PTER: variants seen among roughly 807,000 people sequenced by gnomAD.
PTER encodes the protein N-acetyltaurine hydrolase.
PTER carries 38 observed loss-of-function variants against 29.6 expected under a neutral mutation model. The observed-to-expected ratio is 1.28, with a 90% CI of 0.99 to 1.68. The LOEUF (loss-of-function observed/expected upper bound fraction) is 1.68, where lower values mean the gene tolerates loss of function less well. Among genes scored for constraint, PTER ranks in the 40% most tolerant of loss-of-function variants. The pLI is 0.00. For missense variants in PTER, 482 were observed against 427.8 expected, an observed-to-expected ratio of 1.13 and a Z score of -1.12; for synonymous variants, 172 against 154.5, an observed-to-expected ratio of 1.11 and a Z score of -0.84.
At chr10:16,490,900 T>C (rs1446903611) in intron 3 of PTER, among the ~76,000 whole-genome samples, 1 of 151,840 alleles carries the variant, frequency 6.6e-6, no homozygotes, top group African/African-American at 2.4e-5. Context: ...AATCAAACAA[T>C]ATATAAATTG....
At chr10:16,438,480 TGTA>T (rs1833734734) in intron 1 of PTER, among the ~76,000 whole-genome samples, 3 of 151,132 alleles carry the variant, frequency 2.0e-5, no homozygotes, top group African/African-American at 2.4e-5. Flanking sequence ...TTTTTTTTTT[TGTA>T]TTTTTGGTAG....
intron 1 of PTER, among the ~76,000 whole-genome samples, chr10:16,476,413 A>G (rs1252523485): frequency 6.6e-6 from 1 of 152,074 alleles, no homozygotes; most frequent in Non-Finnish European, 1.5e-5. Context: ...GCTTTTAGGT[A>G]TCGTTTTACT....
chr10:16,481,324 C>T lies in PTER; in HGVS notation c.-48-3013C>T, dbSNP rs573312329. Among the ~76,000 whole-genome samples the T allele has an allele frequency of 5.9e-5, 9 of 152,316 alleles. No individual in the cohort carries two copies. In the South Asian group the frequency reaches 1.5e-3, roughly 25 times the overall value. Reference sequence around the variant, plus strand: ...GTATAGCTGCTCTCATCGTTCCTTACCTTCTTCCTTGTTCTGTGAACTCTC... The same window carrying T: ...GTATAGCTGCTCTCATCGTTCCTTATCTTCTTCCTTGTTCTGTGAACTCTC... On this transcript the variant is annotated intron_variant, in intron 1 of 4. Transcript: ENST00000535784.
intron 1 of PTER, among the ~76,000 whole-genome samples, chr10:16,448,951 C>G (rs1314986908): frequency 6.6e-6 from 1 of 152,178 alleles, no homozygotes; most frequent in African/African-American, 2.4e-5. Flanking sequence ...GAAACCACAT[C>G]TGGTACAGCA....
At chr10:16,518,976 T>A in the PTER span, among the ~76,000 whole-genome samples, 1 of 151,994 alleles carries the variant, frequency 6.6e-6, no homozygotes, top group South Asian at 2.1e-4. Context: ...TATCTTAATA[T>A]TATTTTCATG....
chr10:16,471,448 A>G (rs538178835), intron 1 of PTER, among the ~76,000 whole-genome samples: 1 of 151,770 alleles, frequency 6.6e-6, no homozygotes, highest in Non-Finnish European at 1.5e-5. Context: ...TGGAAAATAC[A>G]TTAAATTGTA....
chr10:16,509,623 TG>T (rs570827685), intron 4 of PTER, among the ~76,000 whole-genome samples: 112 of 152,322 alleles, frequency 7.4e-4, no homozygotes, highest in African/African-American at 2.7e-3. Flanking sequence ...GCTTCAGTAT[TG>T]TGTGTGCATT....
At chr10:16,472,252 ATTATT>A (rs1554789367) in intron 1 of PTER, among the ~76,000 whole-genome samples, 1 of 152,220 alleles carries the variant, frequency 6.6e-6, no homozygotes, top group Non-Finnish European at 1.5e-5. Context: ...TTATATAGAT[ATTATT>A]TTTATGATTT....
At chr10:16,443,025 G>A (rs568197220) in intron 1 of PTER, among the ~76,000 whole-genome samples, 44 of 152,178 alleles carry the variant, frequency 2.9e-4, no homozygotes, top group Non-Finnish European at 4.9e-4. Flanking sequence ...GTGTAATTAA[G>A]GGCCATTTCT....
rs144761567 is a variant in PTER at position 16,508,826 on chromosome 10, G to A, written c.840-2220G>A. On this transcript the variant is annotated intron_variant, in intron 4 of 4. Transcript: ENST00000535784. Reference sequence around the variant, plus strand: ...AGCACTGAATGCCCTTTTGGGTTGCGTGTGCTCCAGTACCCACTGTCTTGC... The same window carrying A: ...AGCACTGAATGCCCTTTTGGGTTGCATGTGCTCCAGTACCCACTGTCTTGC... Among the ~76,000 whole-genome samples, 16 of 152,260 alleles carry A rather than the reference G, an allele frequency of 1.1e-4. No individual in the cohort carries two copies. The East Asian group carries it at 1.5e-3, about 15-fold the overall frequency.
chr10:16,445,133 A>G (rs1833971832), intron 1 of PTER, among the ~76,000 whole-genome samples: 1 of 152,252 alleles, frequency 6.6e-6, no homozygotes, highest in African/African-American at 2.4e-5. Context: ...AGTGAAATAT[A>G]TGGCCTCCTG....
At chr10:16,460,742 TAC>T in intron 1 of PTER, among the ~76,000 whole-genome samples, 1 of 152,224 alleles carries the variant, frequency 6.6e-6, no homozygotes, top group South Asian at 2.1e-4. Flanking sequence ...AGATGAAAAT[TAC>T]AGTCTTTTTT....
At chr10:16,443,065 C>T (rs1833901312) in intron 1 of PTER, among the ~76,000 whole-genome samples, 1 of 152,120 alleles carries the variant, frequency 6.6e-6, no homozygotes, top group Non-Finnish European at 1.5e-5. Flanking sequence ...CTTGATTACT[C>T]ACTATGTTTG....
At chr10:16,504,981 C>T (rs770314724) in intron 3 of PTER, 39 bp from the exon 4 acceptor site, 13 of 1,606,690 alleles carry the variant, frequency 8.1e-6, no homozygotes, top group African/African-American at 5.4e-5. Context: ...GGAAAATGGG[C>T]TCTTCATAAT....
intron 1 of PTER, among the ~76,000 whole-genome samples, chr10:16,450,065 C>T (rs1834151121): frequency 6.6e-6 from 1 of 152,210 alleles, no homozygotes; most frequent in African/African-American, 2.4e-5. Context: ...CATTATCTCA[C>T]ACCCTTAATA....
In PTER at chr10:16,511,377, A is replaced by T; in HGVS notation, c.*121A>T. 1.1e-6 allele frequency: 1 copy of T among 933,688 alleles called. No homozygotes were observed. Among genetic ancestry groups the T allele is most frequent in the Non-Finnish European group, 1.7e-6 (1 of 603,854 alleles). The allele number at this position is 933,688 out of a possible 1,614,324, so 57.8% of individuals were successfully genotyped here. Reference sequence around the variant, plus strand: ...ACTAATGACAGATCATTTCCTTCTGATGAGAACTAGGAGGGTTTGCCTTCT... The same window carrying T: ...ACTAATGACAGATCATTTCCTTCTGTTGAGAACTAGGAGGGTTTGCCTTCT... On this transcript the variant is annotated 3_prime_UTR_variant, in exon 5 of 5. Coordinates refer to ENST00000535784, the MANE Select transcript of PTER (RefSeq NM_001261836.2).
chr10:16,477,093 A>T (rs1835297417), intron 1 of PTER, among the ~76,000 whole-genome samples: 3 of 151,884 alleles, frequency 2.0e-5, no homozygotes, highest in Admixed American at 2.0e-4. Flanking sequence ...TTTAGTAGAG[A>T]TGGGCTGGCC....
At chr10:16,501,176 C>T (rs1400953616) in intron 3 of PTER, among the ~76,000 whole-genome samples, 2 of 152,074 alleles carry the variant, frequency 1.3e-5, no homozygotes, top group Non-Finnish European at 2.9e-5. Flanking sequence ...AATGATCCAC[C>T]TGCCTCAGCC....
At chr10:16,505,295 A>G in intron 4 of PTER, 135 bp downstream of exon 4, 1 of 1,135,302 alleles carries the variant, frequency 8.8e-7, no homozygotes, top group Non-Finnish European at 1.2e-6. Flanking sequence ...AAATATATCT[A>G]TGCTGTTTCA....
Sources: gnomAD v4.1 joint callset for allele counts (sites outside exome capture counted in the v4.1 genomes callset) on GRCh38, gnomAD v4.1.1 for gene constraint, MANE v1.5 for transcripts, NCBI Gene and HGNC (gene_info 2026-07-23, HGNC 2026-07-21) for gene names.